The following FAIM variants were observed in gnomAD, a reference collection of about 807,000 sequenced individuals.
The protein encoded by FAIM is Fas apoptotic inhibitory molecule.
In FAIM, 14 loss-of-function variants were observed where a neutral mutation model predicts 21.2. The observed-to-expected ratio is 0.66, with a 90% CI of 0.44 to 1.03. FAIM has a LOEUF of 1.03. FAIM is among the 50% of genes least tolerant of loss of function. The probability of loss-of-function intolerance (pLI) is 0.00; values close to 1 mark genes in which losing one functional copy is unlikely to be tolerated. For synonymous variants in FAIM, 86 were observed against 80.4 expected (o/e 1.07, Z -0.37); for missense variants, 222 against 247.1 (o/e 0.90, Z 0.68).
Position 138,632,943 on chromosome 3 carries a change from A to G in FAIM, c.470A>G (p.Asp157Gly), listed in dbSNP as rs201538540. 8.7e-6 allele frequency: 14 copies of G among 1,612,904 alleles called. No individual in the cohort carries two copies. The East Asian group carries it at 2.9e-4, about 33-fold the overall frequency. ...TTGTTGCTCCAGGGTGAGTTTGTAG[A>G]TGATGGGACTGAAACTCACTTCAGT... The part of the protein sequence containing the change: ...KKLETAGEFV[D>G]DGTETHFSIG... The change falls in exon 6 of 6, where the codon GAT (aspartate) becomes GGT (glycine). Residue 157 changes from aspartate (D) to glycine (G), a missense_variant. Asp to Gly is a moderately conservative substitution (Grantham distance 94). Coordinates refer to ENST00000360570, the MANE Select transcript of FAIM (RefSeq NM_001033031.2).
intron 1 of FAIM, among the ~76,000 whole-genome samples, chr3:138,615,052 C>T (rs1371138107): frequency 6.6e-6 from 1 of 152,196 alleles, no homozygotes; most frequent in Non-Finnish European, 1.5e-5. Flanking sequence ...TTTAGTACAC[C>T]TAACCTATCA....
chr3:138,633,115 T>TTTAA lies in FAIM; in HGVS notation c.*40_*43dup, dbSNP rs752725137. The TTTAA allele has an allele frequency of 6.3e-7, 1 of 1,588,920 alleles. No homozygotes were observed. The highest frequency in any genetic ancestry group is 8.6e-7 in the Non-Finnish European group (1 of 1,161,568). On this transcript the variant is annotated 3_prime_UTR_variant, in exon 6 of 6. Coordinates refer to ENST00000360570, the MANE Select transcript of FAIM (RefSeq NM_001033031.2). ...TCTTAAGAAGTAAAGATCAGGACTT[T>TTTAA]TTAATTACTGTGGTAATTAAATGTG...
At chr3:138,615,085 T>C (rs1289374320) in intron 1 of FAIM, among the ~76,000 whole-genome samples, 3 of 152,238 alleles carry the variant, frequency 2.0e-5, no homozygotes, top group Non-Finnish European at 4.4e-5. Context: ...TAGCCTTGCC[T>C]ACCTTAAGTG....
At chr3:138,612,567 G>A (rs972915220) in intron 1 of FAIM, among the ~76,000 whole-genome samples, 1 of 152,086 alleles carries the variant, frequency 6.6e-6, no homozygotes, top group Non-Finnish European at 1.5e-5. Context: ...TATGTACCGC[G>A]TTTTGTTTAT....
chr3:138,626,561 A>G (rs1195422963), intron 4 of FAIM, among the ~76,000 whole-genome samples: 3 of 152,250 alleles, frequency 2.0e-5, no homozygotes, highest in Non-Finnish European at 4.4e-5. Flanking sequence ...GTAAATTTCA[A>G]TAGTAAATGG....
chr3:138,619,763 G>A lies in FAIM; in HGVS notation c.37G>A (p.Asp13Asn). The A allele has an allele frequency of 6.2e-7, 1 of 1,613,500 alleles. No homozygotes were observed. Among genetic ancestry groups the A allele is most frequent in the Non-Finnish European group, 8.5e-7 (1 of 1,179,688 alleles). Residue 13 changes from aspartate to asparagine, a missense_variant, in exon 2 of 6, where the codon GAT becomes AAT. Asp to Asn is a conservative substitution (Grantham distance 23). Coordinates refer to ENST00000360570, the MANE Select transcript of FAIM (RefSeq NM_001033031.2). ...SGDDSPIFEDDESPPYSLEKM... is the reference protein window; with the variant it reads ...SGDDSPIFEDNESPPYSLEKM... ...AGATGACAGTCCTATCTTTGAAGAT[G>A]ATGAAAGGTAAATGTCTTATATTGC...
At chr3:138,616,826 A>T (rs2042830410) in intron 1 of FAIM, among the ~76,000 whole-genome samples, 1 of 152,188 alleles carries the variant, frequency 6.6e-6, no homozygotes, top group Admixed American at 6.6e-5. Context: ...AGAGTAACAA[A>T]TTTTATATTG....
At chr3:138,612,175 A>G (rs1033601136) in intron 1 of FAIM, among the ~76,000 whole-genome samples, 1 of 136,800 alleles carries the variant, frequency 7.3e-6, no homozygotes, top group African/African-American at 2.8e-5. Flanking sequence ...ATCTCAGCTC[A>G]CTGCAAGCTC....
In FAIM at chr3:138,629,190, G is replaced by GT. The variant is rs770234050; in HGVS notation, c.456+35dup. ...ACTATTTGATGACTCTAAGTGCCAT[G>GT]TGTCTCAGTTACCATTGAATTGTTG... On this transcript the variant is annotated intron_variant, in intron 5 of 5. Coordinates refer to ENST00000360570, the MANE Select transcript of FAIM (RefSeq NM_001033031.2). 5.9e-6 allele frequency: 9 copies of GT among 1,533,722 alleles called. No homozygotes were observed. In the South Asian group the frequency reaches 9.1e-5, roughly 15 times the overall value.
intron 1 of FAIM, among the ~76,000 whole-genome samples, chr3:138,609,650 A>G (rs2042746524): frequency 7.5e-6 from 1 of 132,588 alleles, no homozygotes; most frequent in South Asian, 2.6e-4. Flanking sequence ...TCGACTGTAC[A>G]TTCCTGTGTG....
chr3:138,633,047 G>T lies in FAIM; in HGVS notation c.574G>T (p.Asp192Tyr). The T allele has an allele frequency of 6.2e-7, 1 of 1,613,264 alleles. No homozygotes were observed. The highest frequency in any genetic ancestry group is 8.5e-7 in the Non-Finnish European group (1 of 1,179,664). The part of the protein sequence containing the change: ...KEGIIHTLIV[D>Y]NREIPEIAS ...AGGGATTATTCATACTCTCATTGTG[G>T]ATAATAGAGAAATCCCAGAGATTGC... Residue 192 changes from aspartate to tyrosine, a missense_variant, in exon 6 of 6, where the codon GAT becomes TAT. Asp to Tyr is a radical substitution (Grantham distance 160). Transcript: ENST00000360570.
chr3:138,617,873 T>G (rs933261932), intron 1 of FAIM, among the ~76,000 whole-genome samples: 1 of 146,738 alleles, frequency 6.8e-6, no homozygotes, highest in Non-Finnish European at 1.5e-5. Flanking sequence ...TAATTAGATA[T>G]CTAATTAGAT....
intron 1 of FAIM, among the ~76,000 whole-genome samples, chr3:138,609,563 T>A (rs1270196510): frequency 1.1e-5 from 1 of 92,586 alleles, no homozygotes; most frequent in Non-Finnish European, 2.1e-5. Context: ...TCTCTCTCTC[T>A]CTCTCTCTCT....
At chr3:138,613,761 G>A (rs1469647567) in intron 1 of FAIM, among the ~76,000 whole-genome samples, 4 of 152,096 alleles carry the variant, frequency 2.6e-5, no homozygotes, top group African/African-American at 4.8e-5. Context: ...CTGGGAATGC[G>A]GGTGTGAGCC....
intron 3 of FAIM, 50 bp downstream of exon 3, chr3:138,621,589 G>T: frequency 6.5e-7 from 1 of 1,546,260 alleles, no homozygotes. Context: ...AGAGAAACTT[G>T]ATTTTGTTAA....
At chr3:138,613,296 A>G (rs934239320) in intron 1 of FAIM, among the ~76,000 whole-genome samples, 1 of 151,806 alleles carries the variant, frequency 6.6e-6, no homozygotes, top group African/African-American at 2.4e-5. Flanking sequence ...CTGGGATTAC[A>G]GGTGTGAGCC....
At chr3:138,626,915 T>C (rs2042945024) in intron 4 of FAIM, among the ~76,000 whole-genome samples, 1 of 152,200 alleles carries the variant, frequency 6.6e-6, no homozygotes, top group Non-Finnish European at 1.5e-5. Context: ...TTCAGGGTTG[T>C]TTTTGTCTTT....
chr3:138,619,839 T>C lies in FAIM; in HGVS notation c.44+69T>C, dbSNP rs185858212. Reference sequence around the variant, plus strand: ...AGATTGTTATCATTCAAAAGAGTGATTTATCCAAGATACTCTGTTAAGAAT... The same window carrying C: ...AGATTGTTATCATTCAAAAGAGTGACTTATCCAAGATACTCTGTTAAGAAT... On this transcript the variant is annotated intron_variant, in intron 2 of 5. Coordinates refer to ENST00000360570, the MANE Select transcript of FAIM (RefSeq NM_001033031.2). The C allele has an allele frequency of 3.6e-6, 5 of 1,390,736 alleles. No individual in the cohort carries two copies. The Admixed American group carries it at 7.3e-5, about 20-fold the overall frequency. 86.1% of individuals were successfully genotyped at this position (1,390,736 alleles called of 1,614,324 possible).
intron 1 of FAIM, among the ~76,000 whole-genome samples, chr3:138,612,898 ATTG>A (rs372476965): frequency 7.9e-5 from 12 of 151,772 alleles, no homozygotes; most frequent in African/African-American, 2.9e-4. Flanking sequence ...GTTGTATTTC[ATTG>A]TTGTTTTGAT....
Sources: gnomAD v4.1 joint callset for allele counts (sites outside exome capture counted in the v4.1 genomes callset) on GRCh38, gnomAD v4.1.1 for gene constraint, MANE v1.5 for transcripts, NCBI Gene and HGNC (gene_info 2026-07-23, HGNC 2026-07-21) for gene names.